Variants in COL5A1 observed in about 807,000 individuals in gnomAD.
The protein encoded by COL5A1 is collagen type V alpha 1 chain.
In COL5A1, 16 loss-of-function variants were observed where a neutral mutation model predicts 263.7. The observed-to-expected ratio is 0.06, with a 90% CI of 0.04 to 0.09. The LOEUF (loss-of-function observed/expected upper bound fraction) is 0.09, where lower values mean the gene tolerates loss of function less well. Ranked by LOEUF, COL5A1 falls within the 10% of genes least tolerant of loss-of-function variation. The pLI is 1.00. For synonymous variants in COL5A1, 1,012 were observed against 1,004.5 expected, an observed-to-expected ratio of 1.01 and a Z score of -0.14; for missense variants, 2,036 against 2,540.5, an observed-to-expected ratio of 0.80 and a Z score of 4.27.
At chr9:134,804,533 C>T (rs1008813341) in intron 39 of COL5A1, among the ~76,000 whole-genome samples, 3 of 152,218 alleles carry the variant, frequency 2.0e-5, no homozygotes, top group Non-Finnish European at 2.9e-5. Flanking sequence ...CCCTCAGCTC[C>T]CACATGGCCC....
At chr9:134,717,970 G>A (rs936784905) in intron 4 of COL5A1, among the ~76,000 whole-genome samples, 11 of 152,194 alleles carry the variant, frequency 7.2e-5, no homozygotes, top group African/African-American at 1.7e-4. Context: ...CTGAGCATGC[G>A]ATTAGAGGGA....
chr9:134,731,966 A>G lies in COL5A1; in HGVS notation c.1333-105A>G, dbSNP rs567959360. 17 of 1,323,560 alleles carry G rather than the reference A, an allele frequency of 1.3e-5. No homozygotes were observed. The East Asian group carries it at 2.1e-4, about 16-fold the overall frequency. 82.0% of individuals were successfully genotyped at this position (1,323,560 alleles called of 1,614,324 possible). A position where few individuals can be genotyped will look rare whatever the true frequency, so the allele number is the denominator to read the frequency against. On this transcript the variant is annotated intron_variant, in intron 8 of 65. Coordinates refer to ENST00000371817, the MANE Select transcript of COL5A1 (RefSeq NM_000093.5). ...GGGCCTGGGGAGATGCCCAGCTACG[A>G]TAGTGCCCTCGGCCTTGCGAAATCG...
At chr9:134,662,388 C>T (rs1351010175) in intron 1 of COL5A1, among the ~76,000 whole-genome samples, 2 of 152,244 alleles carry the variant, frequency 1.3e-5, no homozygotes, top group Non-Finnish European at 1.5e-5. Context: ...CCGGCTGCCT[C>T]CTTCTTTTCC....
Position 134,678,895 on chromosome 9 carries a change from C to T in COL5A1, c.110-12017C>T, listed in dbSNP as rs1832753302. Among the ~76,000 whole-genome samples the T allele has an allele frequency of 6.6e-6, 1 of 152,196 alleles. No individual in the cohort carries two copies. Among genetic ancestry groups the T allele is most frequent in the Admixed American group, 6.5e-5 (1 of 15,280 alleles). On this transcript the variant is annotated intron_variant, in intron 1 of 65. Coordinates refer to ENST00000371817, the MANE Select transcript of COL5A1 (RefSeq NM_000093.5). This position sits in a 1 kb window ranked among gnomAD's most constrained non-coding sequence, Gnocchi z 5.5. ...GCAGGGATCAGGCTGGTTGGTGTTA[C>T]CCCCTGCTGGGGGGCAGGCGTTAGA...
chr9:134,766,869 C>T, intron 22 of COL5A1, 131 bp from the exon 23 acceptor site: 1 of 924,870 alleles, frequency 1.1e-6, no homozygotes, highest in Non-Finnish European at 1.7e-6. Flanking sequence ...GCCGCCTTTC[C>T]CTTCCCGCTG....
intron 18 of COL5A1, among the ~76,000 whole-genome samples, chr9:134,759,232 ACAC>A (rs1349270018): frequency 3.8e-5 from 5 of 131,240 alleles, no homozygotes; most frequent in East Asian, 3.4e-4. Context: ...ACCCACACAT[ACAC>A]CACATACACC....
intron 4 of COL5A1, among the ~76,000 whole-genome samples, chr9:134,705,213 C>T (rs2132582350): frequency 6.6e-6 from 1 of 152,336 alleles, no homozygotes; most frequent in Admixed American, 6.5e-5. Flanking sequence ...GTGATGCGCC[C>T]TTGAGGGACA....
chr9:134,655,145 G>C (rs1473571159), intron 1 of COL5A1, among the ~76,000 whole-genome samples: 1 of 149,690 alleles, frequency 6.7e-6, no homozygotes, highest in Non-Finnish European at 1.5e-5. Context: ...TAGGGCTGGA[G>C]GTGTGTAGGG....
intron 4 of COL5A1, among the ~76,000 whole-genome samples, chr9:134,705,480 C>T (rs1022634389): frequency 2.0e-5 from 3 of 152,234 alleles, no homozygotes; most frequent in African/African-American, 7.2e-5. Context: ...GAGCCACGTA[C>T]GGAGGAAGTG....
intron 9 of COL5A1, among the ~76,000 whole-genome samples, chr9:134,736,904 GA>G (rs1422764682): frequency 6.6e-6 from 1 of 152,254 alleles, no homozygotes; most frequent in Non-Finnish European, 1.5e-5. Flanking sequence ...AACCTTTCTA[GA>G]ATAATCTTTC....
rs930642839 is a variant in COL5A1, at chr9:134,818,316, G to T, written c.4231-340G>T. On this transcript the variant is annotated intron_variant, in intron 54 of 65. Transcript: ENST00000371817. This position sits in a 1 kb window ranked among gnomAD's most constrained non-coding sequence, Gnocchi z 6.0. ...TCTGTCAGTGAGGTGATGGCGGCCCGGCCTGGCACTGTCTGCCTCCCTCCT... is the reference window on the plus strand; with the variant it reads ...TCTGTCAGTGAGGTGATGGCGGCCCTGCCTGGCACTGTCTGCCTCCCTCCT... 2.0e-5 allele frequency among the ~76,000 whole-genome samples: 3 copies of T among 152,182 alleles called. No homozygotes were observed. Among genetic ancestry groups the T allele is most frequent in the Non-Finnish European group, 4.4e-5 (3 of 68,024 alleles).
At chr9:134,804,636 C>T (rs901680582) in intron 39 of COL5A1, among the ~76,000 whole-genome samples, 1 of 152,206 alleles carries the variant, frequency 6.6e-6, no homozygotes. Flanking sequence ...GCCAGATGAG[C>T]GTGGCTTCCA....
intron 49 of COL5A1, among the ~76,000 whole-genome samples, 173 bp from the exon 50 acceptor site, chr9:134,814,624 G>A (rs952056694): frequency 6.6e-6 from 1 of 152,206 alleles, no homozygotes; most frequent in Non-Finnish European, 1.5e-5. Flanking sequence ...GTGCACACAG[G>A]AGCTGATTCT....
chr9:134,806,048 CT>C (rs1297289811), intron 41 of COL5A1, 140 bp from the exon 42 acceptor site: 1 of 688,416 alleles, frequency 1.5e-6, no homozygotes, highest in Non-Finnish European at 2.7e-6. Flanking sequence ...ACCAGGTAGT[CT>C]GTGCTTGCAA....
intron 16 of COL5A1, 95 bp from the exon 17 acceptor site, chr9:134,756,670 G>A (rs936800871): frequency 1.3e-5 from 18 of 1,358,096 alleles, no homozygotes; most frequent in Non-Finnish European, 1.8e-5. Context: ...CGGCTCTGGT[G>A]GAACGCTCAA....
At chr9:134,761,466 A>G (rs1836441003) in intron 18 of COL5A1, among the ~76,000 whole-genome samples, 1 of 152,230 alleles carries the variant, frequency 6.6e-6, no homozygotes, top group African/African-American at 2.4e-5. Flanking sequence ...ACAGCCATGA[A>G]GGCTGTCCCT....
chr9:134,666,262 G>C (rs1472054452), intron 1 of COL5A1, among the ~76,000 whole-genome samples: 2 of 152,310 alleles, frequency 1.3e-5, no homozygotes, highest in African/African-American at 4.8e-5. Context: ...TCATTTTACA[G>C]GTGGGGAACC....
At chr9:134,712,090 CCTTCTTCCTAT>C (rs1834071050) in intron 4 of COL5A1, among the ~76,000 whole-genome samples, 1 of 129,644 alleles carries the variant, frequency 7.7e-6, no homozygotes, top group Non-Finnish European at 1.7e-5. Flanking sequence ...TTCCTGCCTT[CCTTCTTCCTAT>C]CCCCCTTCCT....
intron 27 of COL5A1, among the ~76,000 whole-genome samples, chr9:134,777,883 G>A (rs960199197): frequency 1.3e-5 from 2 of 152,354 alleles, no homozygotes; most frequent in South Asian, 4.1e-4. Context: ...TTGCATTCAG[G>A]ATCAGACGCT....
Sources: allele counts gnomAD v4.1 joint callset (sites outside exome capture counted in the v4.1 genomes callset), GRCh38; gene constraint gnomAD v4.1.1; non-coding constraint Gnocchi (gnomAD v3.1); transcripts MANE v1.5; gene names NCBI Gene and HGNC (gene_info 2026-07-23, HGNC 2026-07-21).